PRPF6: variants seen among roughly 807,000 people sequenced by gnomAD.
The protein encoded by PRPF6 is pre-mRNA processing factor 6, also known as pre-mRNA-processing factor 6.
A neutral mutation model predicts 118.3 loss-of-function variants in PRPF6; 42 were observed. The observed-to-expected ratio is 0.35, with a 90% CI of 0.28 to 0.46. PRPF6 has a LOEUF of 0.46. Among genes scored for constraint, PRPF6 ranks in the 20% least tolerant of loss-of-function variants. The probability of loss-of-function intolerance (pLI) is 1.00; values close to 1 mark genes in which losing one functional copy is unlikely to be tolerated. For synonymous variants in PRPF6, 481 were observed against 485.1 expected, an observed-to-expected ratio of 0.99 and a Z score of 0.11; for missense variants, 662 against 1,255.7, an observed-to-expected ratio of 0.53 and a Z score of 7.15.
At chr20:64,025,211 G>A (rs1012431457) in intron 14 of PRPF6, among the ~76,000 whole-genome samples, 3 of 152,160 alleles carry the variant, frequency 2.0e-5, no homozygotes, top group Admixed American at 2.0e-4. Context: ...CATGAGAGGG[G>A]ACTGGCCTGG....
Position 64,011,512 on chromosome 20 carries a change from C to G in PRPF6, c.1524+9C>G. On this transcript the variant is annotated intron_variant, in intron 11 of 20. Coordinates refer to ENST00000266079, the MANE Select transcript of PRPF6 (RefSeq NM_012469.4). This position sits in a 1 kb window ranked among gnomAD's most constrained non-coding sequence, Gnocchi z 6.7. ...GTGAGCAGTGGATCCAGGTGGGCCGCAGGCGGGTGTCGTGGTGTCTGCTTT... is the reference window on the plus strand; with the variant it reads ...GTGAGCAGTGGATCCAGGTGGGCCGGAGGCGGGTGTCGTGGTGTCTGCTTT... 6.2e-7 allele frequency: 1 copy of G among 1,610,060 alleles called. No homozygotes were observed. Among genetic ancestry groups the G allele is most frequent in the South Asian group, 1.1e-5 (1 of 90,772 alleles).
In PRPF6 at chr20:64,026,979, C is replaced by A; in HGVS notation, c.2029-3C>A. On this transcript the variant is annotated splice_polypyrimidine_tract_variant and splice_region_variant and intron_variant, in intron 15 of 20. Transcript: ENST00000266079. The surrounding 1 kb of genome is among the most constrained non-coding windows in gnomAD (Gnocchi z 4.4). ...TGCGTGACAGTGCATGTCTGCCCCA[C>A]AGGTGTTCATGAAGTCTGTGAAGCT... is the stretch of plus-strand genomic sequence containing the variant. The A allele has an allele frequency of 6.2e-7, 1 of 1,613,866 alleles. No homozygotes were observed.
intron 19 of PRPF6, 58 bp from the exon 20 acceptor site, chr20:64,031,860 C>T: frequency 4.3e-6 from 7 of 1,612,674 alleles, no homozygotes; most frequent in African/African-American, 1.3e-5. Context: ...CGTTCCCCTG[C>T]CCCAGAATAC....
chr20:63,995,599 C>G, intron 6 of PRPF6, 117 bp downstream of exon 6: 1 of 1,128,686 alleles, frequency 8.9e-7, no homozygotes, highest in Non-Finnish European at 1.3e-6. Flanking sequence ...TCCTCCTCCT[C>G]CTTCTTCTCC....
intron 9 of PRPF6, among the ~76,000 whole-genome samples, chr20:64,003,123 G>A (rs1399316885): frequency 6.6e-6 from 1 of 151,886 alleles, no homozygotes; most frequent in Non-Finnish European, 1.5e-5. Flanking sequence ...TTAATTTTTG[G>A]TAGAGATGGG....
chr20:63,993,225 AATG>A (rs1209956861), intron 3 of PRPF6, among the ~76,000 whole-genome samples, 179 bp from the exon 4 acceptor site: 12 of 102,900 alleles, frequency 1.2e-4, no homozygotes, highest in Non-Finnish European at 1.6e-4. Flanking sequence ...CAAAAAAAAA[AATG>A]TGTGTGTGTG....
At chr20:63,997,838 G>GGA (rs2059147967) in intron 6 of PRPF6, among the ~76,000 whole-genome samples, 1 of 152,102 alleles carries the variant, frequency 6.6e-6, no homozygotes, top group African/African-American at 2.4e-5. Flanking sequence ...GCCTCCCAAA[G>GGA]TGCTGGGATT....
rs2059304858 is a variant in PRPF6, at chr20:64,029,367, T to C, written c.2432-10T>C. The C allele has an allele frequency of 3.1e-6, 5 of 1,612,418 alleles. No individual in the cohort carries two copies. The highest frequency in any genetic ancestry group is 2.2e-5 in the East Asian group (1 of 44,886). On this transcript the variant is annotated splice_polypyrimidine_tract_variant and intron_variant, in intron 18 of 20. Transcript: ENST00000266079. The surrounding 1 kb of genome is among the most constrained non-coding windows in gnomAD (Gnocchi z 4.8). ...AGTGCAAATCTTTGTTCTTTGTTTC[T>C]GAATTATAGGTATCCTGTGGTCTGA...
At chr20:64,000,456 CAA>C (rs11476285) in intron 8 of PRPF6, among the ~76,000 whole-genome samples, 1,644 of 111,388 alleles carry the variant, frequency 0.015, 28 homozygotes, top group African/African-American at 0.049. Context: ...GATTCCGTCT[CAA>C]AAAAAAAAAA....
intron 12 of PRPF6, 149 bp downstream of exon 12, chr20:64,016,994 G>A (rs2059241371): frequency 1.3e-5 from 14 of 1,104,564 alleles, no homozygotes; most frequent in Non-Finnish European, 1.8e-5. Context: ...CCAGGCTGGA[G>A]TGCAGTGGCG....
At position 64,029,173 on chromosome 20, in the gene PRPF6, A is replaced by G. The variant is rs1323214724; in HGVS notation, c.2432-204A>G. Among the ~76,000 whole-genome samples the G allele has an allele frequency of 6.6e-6, 1 of 152,176 alleles. No homozygotes were observed. Among genetic ancestry groups the G allele is most frequent in the Non-Finnish European group, 1.5e-5 (1 of 68,022 alleles). ...CAGAGTGAGACTCTGCAGGGTGTCC[A>G]GTCTGTGCCCTCAGGGCTGCCATGG... On this transcript the variant is annotated intron_variant, in intron 18 of 20. Transcript: ENST00000266079. This position sits in a 1 kb window ranked among gnomAD's most constrained non-coding sequence, Gnocchi z 4.8.
chr20:64,015,815 G>A (rs1373990506), intron 11 of PRPF6, among the ~76,000 whole-genome samples: 1 of 152,168 alleles, frequency 6.6e-6, no homozygotes, highest in African/African-American at 2.4e-5. Flanking sequence ...ACTTAGAATA[G>A]TTTAATTAGC....
chr20:64,005,644 C>T (rs2059187054), intron 9 of PRPF6, among the ~76,000 whole-genome samples: 1 of 152,170 alleles, frequency 6.6e-6, no homozygotes, highest in Non-Finnish European at 1.5e-5. Flanking sequence ...GTGTTGCAAT[C>T]AGCTCACTGC....
At chr20:63,992,133 G>T (rs755196808) in intron 3 of PRPF6, among the ~76,000 whole-genome samples, 1 of 152,078 alleles carries the variant, frequency 6.6e-6, no homozygotes, top group Admixed American at 6.6e-5. Context: ...ACAAGGTCTC[G>T]CTCTGTCGCC....
chr20:64,019,167 T>G (rs2123073426), intron 12 of PRPF6, among the ~76,000 whole-genome samples: 1 of 151,084 alleles, frequency 6.6e-6, no homozygotes, highest in Admixed American at 6.6e-5. Context: ...GGCACGATCT[T>G]GGCTCACTGC....
At chr20:63,991,914 A>C (rs1281320955) in intron 3 of PRPF6, among the ~76,000 whole-genome samples, 1 of 152,208 alleles carries the variant, frequency 6.6e-6, no homozygotes, top group Non-Finnish European at 1.5e-5. Flanking sequence ...ACCGAAGTGC[A>C]ATTACATGGG....
chr20:64,016,498 T>C (rs2059239091), intron 11 of PRPF6, among the ~76,000 whole-genome samples: 1 of 152,192 alleles, frequency 6.6e-6, no homozygotes, highest in Non-Finnish European at 1.5e-5. Flanking sequence ...TTGTTTGTAT[T>C]TTTATTTTCT....
At chr20:64,002,341 A>ATT (rs375094578) in intron 9 of PRPF6, among the ~76,000 whole-genome samples, 1 of 77,854 alleles carries the variant, frequency 1.3e-5, no homozygotes. Context: ...GCTTCTATCC[A>ATT]TTTTTTTTTT....
intron 3 of PRPF6, among the ~76,000 whole-genome samples, chr20:63,986,833 A>T (rs893499299): frequency 1.3e-5 from 2 of 151,672 alleles, no homozygotes; most frequent in Non-Finnish European, 2.9e-5. Context: ...AAGATTCAAC[A>T]TTCCTTGATG....
Sources: gnomAD v4.1 joint callset for allele counts (sites outside exome capture counted in the v4.1 genomes callset) on GRCh38, gnomAD v4.1.1 for gene constraint, Gnocchi (gnomAD v3.1) non-coding constraint, MANE v1.5 for transcripts, NCBI Gene and HGNC (gene_info 2026-07-23, HGNC 2026-07-21) for gene names.